MARCHF4: variants seen among roughly 807,000 people sequenced by gnomAD.
The protein encoded by MARCHF4 is E3 ubiquitin-protein ligase MARCHF4.
MARCHF4 carries 14 observed loss-of-function variants against 43.9 expected under a neutral mutation model. That is an observed-to-expected ratio of 0.32 (90% confidence interval 0.21 to 0.50). MARCHF4 has a LOEUF of 0.50. MARCHF4 is among the 20% of genes least tolerant of loss of function. The pLI is 0.98. For missense variants in MARCHF4, 468 were observed against 536.7 expected, an observed-to-expected ratio of 0.87 and a Z score of 1.27; for synonymous variants, 226 against 213.3, an observed-to-expected ratio of 1.06 and a Z score of -0.52.
At chr2:216,269,649 C>CTGATGATT (rs3830575) in intron 3 of MARCHF4, among the ~76,000 whole-genome samples, 20,801 of 152,064 alleles carry the variant, frequency 0.14, 1,461 homozygotes, top group South Asian at 0.26. Context: ...TACCTGGTCC[C>CTGATGATT]TGATGATTAC....
intron 1 of MARCHF4, among the ~76,000 whole-genome samples, chr2:216,366,556 T>A (rs1003928800): frequency 6.6e-6 from 1 of 152,152 alleles, no homozygotes; most frequent in Admixed American, 6.5e-5. Context: ...GCTAAGCTCG[T>A]TCACATTCAC....
Position 216,259,537 on chromosome 2 carries a change from G to A in MARCHF4, c.1008C>T (p.Thr336=), listed in dbSNP as rs1191752376. Residue 336 remains threonine, a synonymous_variant, in exon 4 of 4, where the codon ACC becomes ACT. Transcript: ENST00000273067. Reference sequence around the variant, plus strand: ...GGATATTGGCCTGGGTGGATGAGGAGGTCCGGGGGTTGGTCCTGCCTCCTG... The same window carrying A: ...GGATATTGGCCTGGGTGGATGAGGAAGTCCGGGGGTTGGTCCTGCCTCCTG... ...QKAGGRTNPR[T]SSSTQANIPS... The A allele has an allele frequency of 1.9e-6, 3 of 1,614,062 alleles. No homozygotes were observed. The highest frequency in any genetic ancestry group is 2.7e-5 in the African/African-American group (2 of 74,926).
intron 1 of MARCHF4, among the ~76,000 whole-genome samples, chr2:216,368,255 C>T (rs565325451): frequency 6.6e-6 from 1 of 152,180 alleles, no homozygotes; most frequent in Non-Finnish European, 1.5e-5. Flanking sequence ...GTGAGGCACC[C>T]TCTTGTTGTC....
intron 2 of MARCHF4, among the ~76,000 whole-genome samples, chr2:216,278,556 A>T (rs1339933178): frequency 6.6e-6 from 1 of 152,154 alleles, no homozygotes; most frequent in Non-Finnish European, 1.5e-5. Context: ...AGAGAAACAC[A>T]GTCTATTTTC....
chr2:216,307,559 C>A (rs754679008), intron 1 of MARCHF4, among the ~76,000 whole-genome samples: 16 of 151,744 alleles, frequency 1.1e-4, no homozygotes, highest in Non-Finnish European at 2.1e-4. Context: ...GAACTGGAAT[C>A]TTTTCTCCAA....
At chr2:216,341,274 C>T (rs1037698587) in intron 1 of MARCHF4, among the ~76,000 whole-genome samples, 12 of 152,204 alleles carry the variant, frequency 7.9e-5, no homozygotes, top group African/African-American at 1.4e-4. Context: ...ATTACACCCA[C>T]GGTCTCTCGT....
chr2:216,306,008 T>C (rs1691581104), intron 1 of MARCHF4, among the ~76,000 whole-genome samples: 1 of 152,110 alleles, frequency 6.6e-6, no homozygotes, highest in South Asian at 2.1e-4. Context: ...TTTTTTATAA[T>C]AGTTGTCATT....
At chr2:216,270,837 C>T (rs1193165818) in intron 3 of MARCHF4, among the ~76,000 whole-genome samples, 1 of 152,058 alleles carries the variant, frequency 6.6e-6, no homozygotes, top group African/African-American at 2.4e-5. Flanking sequence ...ATCAAATCTA[C>T]ATCCTAAGTA....
chr2:216,260,395 C>T (rs1690721742), intron 3 of MARCHF4, among the ~76,000 whole-genome samples: 1 of 152,180 alleles, frequency 6.6e-6, no homozygotes, highest in South Asian at 2.1e-4. Flanking sequence ...AGGAAGATAA[C>T]TGGGGTTAAA....
intron 1 of MARCHF4, among the ~76,000 whole-genome samples, chr2:216,323,101 T>C (rs1185110854): frequency 1.3e-5 from 2 of 152,188 alleles, no homozygotes; most frequent in Non-Finnish European, 2.9e-5. Context: ...GTACCTAATA[T>C]TGAATAAGCA....
chr2:216,312,692 G>A (rs368884770), intron 1 of MARCHF4, among the ~76,000 whole-genome samples: 6 of 151,882 alleles, frequency 4.0e-5, no homozygotes, highest in Admixed American at 3.3e-4. Flanking sequence ...GTCTTCTTTC[G>A]AGAAATGTCT....
intron 1 of MARCHF4, among the ~76,000 whole-genome samples, chr2:216,310,727 C>G (rs894267733): frequency 6.6e-6 from 1 of 152,194 alleles, no homozygotes; most frequent in African/African-American, 2.4e-5. Context: ...ATTCCAGCTA[C>G]TCTTCATGTC....
intron 1 of MARCHF4, among the ~76,000 whole-genome samples, chr2:216,296,282 G>A (rs1691393129): frequency 6.6e-6 from 1 of 152,218 alleles, no homozygotes; most frequent in Non-Finnish European, 1.5e-5. Flanking sequence ...GGAGGCAGAG[G>A]TTGCAGTGGG....
In MARCHF4 at chr2:216,370,530, T is replaced by G; in HGVS notation, c.-270A>C. The G allele has an allele frequency of 2.7e-6, 1 of 376,484 alleles. No homozygotes were observed. The highest frequency in any genetic ancestry group is 4.8e-6 in the Non-Finnish European group (1 of 210,046). The allele number at this position is 376,484 out of a possible 1,614,324, so 23.3% of individuals were successfully genotyped here. Reference sequence around the variant, plus strand: ...CACCCCAACCTCCAACTTTGTTCAGTGTGTCTCCTTTCTGCTTTTGACCTG... The same window carrying G: ...CACCCCAACCTCCAACTTTGTTCAGGGTGTCTCCTTTCTGCTTTTGACCTG... On this transcript the variant is annotated 5_prime_UTR_variant, in exon 1 of 4. Transcript: ENST00000273067.
chr2:216,333,807 G>A (rs1273797083), intron 1 of MARCHF4, among the ~76,000 whole-genome samples: 1 of 152,084 alleles, frequency 6.6e-6, no homozygotes, highest in Non-Finnish European at 1.5e-5. Context: ...CCCGTCCCTA[G>A]GACACATCTC....
chr2:216,310,071 C>A (rs1205592338), intron 1 of MARCHF4, among the ~76,000 whole-genome samples: 2 of 143,800 alleles, frequency 1.4e-5, no homozygotes, highest in East Asian at 4.1e-4. Flanking sequence ...TTATGATAGG[C>A]AAAGTATAGA....
chr2:216,352,220 C>T (rs916495863), intron 1 of MARCHF4, among the ~76,000 whole-genome samples: 5 of 152,156 alleles, frequency 3.3e-5, no homozygotes, highest in African/African-American at 1.2e-4. Flanking sequence ...TGATTGTTAC[C>T]ATAGTGATCA....
intron 1 of MARCHF4, among the ~76,000 whole-genome samples, chr2:216,349,436 T>C (rs747908495): frequency 5.3e-5 from 8 of 152,214 alleles, no homozygotes; most frequent in Non-Finnish European, 1.2e-4. Flanking sequence ...ACTAGACACA[T>C]GGAACAAGCT....
At chr2:216,312,807 T>C (rs1691711189) in intron 1 of MARCHF4, among the ~76,000 whole-genome samples, 1 of 152,060 alleles carries the variant, frequency 6.6e-6, no homozygotes, top group Non-Finnish European at 1.5e-5. Context: ...TAATTTGCAA[T>C]TATTTTCTCC....
Sources: allele counts gnomAD v4.1 joint callset (sites outside exome capture counted in the v4.1 genomes callset), GRCh38; gene constraint gnomAD v4.1.1; transcripts MANE v1.5; gene names NCBI Gene and HGNC (gene_info 2026-07-23, HGNC 2026-07-21).